Variants in CACNA1A observed in about 807,000 individuals in gnomAD.
The protein encoded by CACNA1A is calcium voltage-gated channel subunit alpha1 A.
A neutral mutation model predicts 262.4 loss-of-function variants in CACNA1A; 57 were observed. The ratio of observed to expected loss-of-function variants is 0.22; its 90% CI spans 0.18 to 0.27. The LOEUF (loss-of-function observed/expected upper bound fraction) is 0.27, where lower values mean the gene tolerates loss of function less well. CACNA1A is among the 10% of genes least tolerant of loss of function. The pLI is 1.00. For missense variants in CACNA1A, 2,526 were observed against 3,562.8 expected, an observed-to-expected ratio of 0.71 and a Z score of 7.41; for synonymous variants, 1,431 against 1,419.3, an observed-to-expected ratio of 1.01 and a Z score of -0.18.
chr19:13,341,860 CT>C (rs2058681754), intron 6 of CACNA1A, among the ~76,000 whole-genome samples: 1 of 152,298 alleles, frequency 6.6e-6, no homozygotes, highest in African/African-American at 2.4e-5. Flanking sequence ...GAGGGAGGGG[CT>C]TTGTCCTTTT....
chr19:13,257,469 C>T lies in CACNA1A; in HGVS notation c.4471G>A (p.Val1491Ile), dbSNP rs1211294190. The T allele has an allele frequency of 3.7e-6, 6 of 1,613,456 alleles. No individual in the cohort carries two copies. Among genetic ancestry groups the T allele is most frequent in the Non-Finnish European group, 5.1e-6 (6 of 1,179,622 alleles). The change falls in exon 28 of 47, where the codon GTC becomes ATC. Residue 1491 changes from valine (V) to isoleucine (I), a missense_variant. Physicochemically the swap from Val to Ile is conservative, Grantham distance 29 (BLOSUM62 3). This residue lies in a region of CACNA1A where 137 missense variants were observed against 377.7 expected (regional missense o/e 0.36). Coordinates refer to ENST00000360228, the MANE Select transcript of CACNA1A (RefSeq NM_001127222.2). ...GYRMEMSIFY[V>I]VYFVVFPFFF... ...AAGGGGAACACCACAAAGTAGACGA[C>T]GTAGAAAATGGACATCTCCATGCGG...
At chr19:13,237,577 G>A (rs776896575) in intron 31 of CACNA1A, among the ~76,000 whole-genome samples, 5 of 152,250 alleles carry the variant, frequency 3.3e-5, no homozygotes, top group South Asian at 4.2e-4. Flanking sequence ...GAGGCCTCTG[G>A]GTTTGATGGC....
chr19:13,210,124 T>A (rs1233614451), intron 44 of CACNA1A, among the ~76,000 whole-genome samples: 1 of 152,146 alleles, frequency 6.6e-6, no homozygotes, highest in East Asian at 1.9e-4. Flanking sequence ...GGGCCCACTC[T>A]TTTCCCTGGT....
intron 6 of CACNA1A, among the ~76,000 whole-genome samples, chr19:13,341,762 CT>C (rs1025203304): frequency 4.6e-5 from 7 of 152,156 alleles, no homozygotes; most frequent in African/African-American, 1.7e-4. Context: ...CCCATTGTTT[CT>C]TTTTTCCCAT....
rs762252181 is a variant in CACNA1A at position 13,230,198 on chromosome 19, G to A, written c.5412C>T (p.Leu1804=). The A allele has an allele frequency of 7.4e-6, 12 of 1,613,800 alleles. No individual in the cohort carries two copies. The highest frequency in any genetic ancestry group is 2.2e-5 in the East Asian group (1 of 44,882). ...AGTTGTCCATGATGACGGCGACAAAGAGATTCAGCATCTGTGGGGACCCCG... is the reference window on the plus strand; with the variant it reads ...AGTTGTCCATGATGACGGCGACAAAAAGATTCAGCATCTGTGGGGACCCCG... ...IFLCSFLMLN[L]FVAVIMDNFE... is the part of the protein sequence containing the mutation. The change falls in exon 36 of 47, where the codon CTC becomes CTT. Residue 1804 remains leucine (L), a synonymous_variant. Transcript: ENST00000360228.
intron 3 of CACNA1A, among the ~76,000 whole-genome samples, chr19:13,385,634 T>C (rs1000250921): frequency 5.9e-5 from 9 of 152,190 alleles, no homozygotes; most frequent in African/African-American, 1.9e-4. Context: ...GGTGGAACTA[T>C]AGGCCTAAGC....
chr19:13,210,393 T>G (rs2054761419), intron 44 of CACNA1A, among the ~76,000 whole-genome samples: 5 of 147,816 alleles, frequency 3.4e-5, no homozygotes, highest in Admixed American at 6.7e-5. Context: ...GAAAAGGGGG[T>G]AGGGGTGAGG....
intron 19 of CACNA1A, among the ~76,000 whole-genome samples, chr19:13,292,522 G>A (rs969456951): frequency 6.6e-6 from 1 of 152,040 alleles, no homozygotes; most frequent in African/African-American, 2.4e-5. Context: ...GCTGAGGTGG[G>A]AGAATCACCT....
chr19:13,463,651 G>A (rs939618865), intron 1 of CACNA1A, among the ~76,000 whole-genome samples: 1 of 152,044 alleles, frequency 6.6e-6, no homozygotes, highest in Non-Finnish European at 1.5e-5. Context: ...ACAGGGTAGA[G>A]GCAAAAAAGA....
chr19:13,306,369 AT>A (rs200956338), intron 15 of CACNA1A, among the ~76,000 whole-genome samples: 8 of 151,604 alleles, frequency 5.3e-5, no homozygotes, highest in African/African-American at 9.7e-5. Context: ...TGTATTAGCC[AT>A]TTTTTTTCTC....
At chr19:13,399,399 GA>G (rs2059861710) in intron 3 of CACNA1A, among the ~76,000 whole-genome samples, 1 of 136,166 alleles carries the variant, frequency 7.3e-6, no homozygotes, top group Non-Finnish European at 1.5e-5. Context: ...AAAATGAGAA[GA>G]AGAAGAAGAA....
chr19:13,448,016 T>A (rs372763519), intron 3 of CACNA1A, among the ~76,000 whole-genome samples: 1 of 150,756 alleles, frequency 6.6e-6, no homozygotes. Flanking sequence ...TGATGCTCAA[T>A]ATTAACCATC....
At chr19:13,353,728 T>C (rs1316589609) in intron 6 of CACNA1A, among the ~76,000 whole-genome samples, 3 of 152,138 alleles carry the variant, frequency 2.0e-5, no homozygotes, top group South Asian at 4.1e-4. Flanking sequence ...GAATACAAAA[T>C]CTGGAAGGGA....
rs553562204 is a variant in CACNA1A at position 13,463,162 on chromosome 19, A to C, written c.294-7950T>G. ...CCTTTATTTAAAAAAAAAAAAAAATAGAATGCAGGTGCACTTGGGGCCCTA... is the reference window on the plus strand; with the variant it reads ...CCTTTATTTAAAAAAAAAAAAAAATCGAATGCAGGTGCACTTGGGGCCCTA... On this transcript the variant is annotated intron_variant, in intron 1 of 46. Transcript: ENST00000360228. Among the ~76,000 whole-genome samples, 365 of 150,490 alleles carry C rather than the reference A, an allele frequency of 2.4e-3. 1 individual carries two copies. Among genetic ancestry groups the C allele is most frequent in the African/African-American group, 8.5e-3 (345 of 40,716 alleles).
intron 10 of CACNA1A, among the ~76,000 whole-genome samples, chr19:13,321,773 G>T (rs1253930875): frequency 6.6e-6 from 1 of 152,158 alleles, no homozygotes; most frequent in Non-Finnish European, 1.5e-5. Context: ...AGGACTGGAA[G>T]TTGCTCTTGG....
At chr19:13,223,911 A>T (rs2055335287) in intron 38 of CACNA1A, among the ~76,000 whole-genome samples, 1 of 152,136 alleles carries the variant, frequency 6.6e-6, no homozygotes, top group Non-Finnish European at 1.5e-5. Context: ...CATGCCTGTA[A>T]TACCAGCATT....
intron 6 of CACNA1A, among the ~76,000 whole-genome samples, chr19:13,343,278 A>T (rs1482926170): frequency 1.3e-5 from 2 of 151,508 alleles, no homozygotes; most frequent in Non-Finnish European, 2.9e-5. Context: ...CCGCCACCAC[A>T]CCTAGCTAAT....
At chr19:13,505,889 A>T in intron 1 of CACNA1A, 43 bp downstream of exon 1, 1 of 1,580,722 alleles carries the variant, frequency 6.3e-7, no homozygotes, top group East Asian at 2.3e-5. Flanking sequence ...CGGAGGGAGG[A>T]GGGGGAGGCG....
intron 3 of CACNA1A, among the ~76,000 whole-genome samples, chr19:13,396,455 G>A (rs953930976): frequency 2.0e-5 from 3 of 152,134 alleles, no homozygotes; most frequent in Non-Finnish European, 2.9e-5. Context: ...CACCACAGCT[G>A]CGCCGGCCCC....
Sources: allele counts gnomAD v4.1 joint callset (sites outside exome capture counted in the v4.1 genomes callset), GRCh38; gene constraint gnomAD v4.1.1; regional missense constraint gnomAD v4.1.1; transcripts MANE v1.5; gene names NCBI Gene and HGNC (gene_info 2026-07-23, HGNC 2026-07-21).